The following MBP variants were observed in gnomAD, a reference collection of about 807,000 sequenced individuals.
MBP encodes the protein Golli-MBP.
In MBP, 16 loss-of-function variants were observed where a neutral mutation model predicts 35.8. That is an observed-to-expected ratio of 0.45 (90% confidence interval 0.30 to 0.68). The LOEUF (loss-of-function observed/expected upper bound fraction) is 0.68, where lower values mean the gene tolerates loss of function less well. Among genes scored for constraint, MBP ranks in the 30% least tolerant of loss-of-function variants. The probability of loss-of-function intolerance (pLI) is 0.08; values close to 1 mark genes in which losing one functional copy is unlikely to be tolerated. For missense variants in MBP, 380 were observed against 404.7 expected (o/e 0.94, Z 0.52); for synonymous variants, 143 against 159.6 (o/e 0.90, Z 0.78).
chr18:77,047,122 C>T (rs1244986594), intron 3 of MBP, among the ~76,000 whole-genome samples: 2 of 152,316 alleles, frequency 1.3e-5, no homozygotes, highest in East Asian at 1.9e-4. Context: ...AAAACAAAGG[C>T]GACCACGGCT....
chr18:77,000,817 G>C (rs62105702), intron 4 of MBP, among the ~76,000 whole-genome samples: 6,285 of 152,204 alleles, frequency 0.041, 136 homozygotes, highest in Middle Eastern at 0.088. Context: ...ATGAGTTGCC[G>C]CCCGATGCAT....
At chr18:77,093,784 C>G (rs1490354979) in intron 2 of MBP, among the ~76,000 whole-genome samples, 1 of 152,194 alleles carries the variant, frequency 6.6e-6, no homozygotes, top group Non-Finnish European at 1.5e-5. Flanking sequence ...CTGCTGGACA[C>G]CCCGCCCAGC....
intron 4 of MBP, chr18:77,003,470 G>C (rs531845118): frequency 1.3e-5 from 2 of 152,134 alleles, no homozygotes; most frequent in Non-Finnish European, 2.9e-5. Context: ...GCACTCTCAG[G>C]AAGTGCAGAT....
chr18:76,985,624 C>T (rs1456609729), intron 7 of MBP: 9 of 1,052,694 alleles, frequency 8.5e-6, no homozygotes, highest in Non-Finnish European at 1.0e-5. Context: ...CTGGCTGGCA[C>T]GGGGGGCGGC....
chr18:77,052,142 G>T lies in MBP; in HGVS notation c.139+14156C>A, dbSNP rs62106765. 2.6e-4 allele frequency among the ~76,000 whole-genome samples: 40 copies of T among 152,262 alleles called. 1 individual carries two copies. The highest frequency in any genetic ancestry group is 1.1e-3 in the Admixed American group (17 of 15,306). On this transcript the variant is annotated intron_variant, in intron 3 of 8. Coordinates refer to ENST00000355994, the MANE Select transcript of MBP (RefSeq NM_001025101.2). ...TCCTCCGATGTGCCCAAGTCCACCC[G>T]ACCAGGAACGGGGGAAGGAGCGGGG...
chr18:77,013,758 G>A, intron 4 of MBP: 1 of 985,426 alleles, frequency 1.0e-6, no homozygotes, highest in South Asian at 4.7e-5. Flanking sequence ...GGAGAAGTGG[G>A]GTACTGGGAT....
At chr18:77,117,568 G>A (rs916606337) in intron 1 of MBP, among the ~76,000 whole-genome samples, 1 of 151,990 alleles carries the variant, frequency 6.6e-6, no homozygotes, top group African/African-American at 2.4e-5. Flanking sequence ...ATAGTTCCGT[G>A]GCTTGCCTGA....
intron 4 of MBP, among the ~76,000 whole-genome samples, chr18:77,010,706 G>A (rs934605147): frequency 6.6e-6 from 1 of 152,168 alleles, no homozygotes; most frequent in Non-Finnish European, 1.5e-5. Context: ...TGAGCTCTGC[G>A]GCTACAAATC....
Position 77,102,084 on chromosome 18 carries a change from C to A in MBP, c.51+3127G>T, listed in dbSNP as rs537848161. Among the ~76,000 whole-genome samples, 1 of 151,826 alleles carries A rather than the reference C, an allele frequency of 6.6e-6. No individual in the cohort carries two copies. The highest frequency in any genetic ancestry group is 2.1e-4 in the South Asian group (1 of 4,800). ...CAGGATCTGTATCAGAGCACTCAGC[C>A]GCAGGCTCTATGACAGCAGAGGAAA... On this transcript the variant is annotated intron_variant, in intron 2 of 8. Transcript: ENST00000355994. The surrounding 1 kb of genome is among the most constrained non-coding windows in gnomAD (Gnocchi z 4.4).
At chr18:76,982,139 C>T (rs1969240437) in intron 8 of MBP, 2 of 152,394 alleles carry the variant, frequency 1.3e-5, no homozygotes, top group South Asian at 4.1e-4. Context: ...GCTCACAGCA[C>T]CTCCTGGAGT....
intron 3 of MBP, among the ~76,000 whole-genome samples, chr18:77,062,756 G>A (rs2144779771): frequency 6.6e-6 from 1 of 152,320 alleles, no homozygotes; most frequent in Middle Eastern, 3.4e-3. Context: ...AATAGCACCT[G>A]TGCCAGAGTC....
intron 4 of MBP, among the ~76,000 whole-genome samples, chr18:77,011,439 C>G (rs1468839259): frequency 1.3e-5 from 2 of 152,208 alleles, no homozygotes; most frequent in Non-Finnish European, 2.9e-5. Flanking sequence ...CAAAGAAGAT[C>G]ATCACTGTGA....
chr18:77,015,422 T>A, intron 4 of MBP: 1 of 985,460 alleles, frequency 1.0e-6, no homozygotes, highest in Non-Finnish European at 1.2e-6. Context: ...CTTGAAAAAG[T>A]GCTTCCAGTT....
At chr18:76,997,350 T>A (rs1242577621) in intron 4 of MBP, among the ~76,000 whole-genome samples, 2 of 152,230 alleles carry the variant, frequency 1.3e-5, no homozygotes, top group Admixed American at 1.3e-4. Context: ...TGACGCCACC[T>A]GTGTGGCCTT....
rs1971995218 is a variant in MBP, at chr18:77,021,719, G to A, written c.140-4451C>T. Reference sequence around the variant, plus strand: ...AGGCTGGTCTCGAACTCCTGACCTCGTGATCCACCTGCCTCGGCCCCGCAA... The same window carrying A: ...AGGCTGGTCTCGAACTCCTGACCTCATGATCCACCTGCCTCGGCCCCGCAA... On this transcript the variant is annotated intron_variant, in intron 3 of 8. Transcript: ENST00000355994. Among the ~76,000 whole-genome samples the A allele has an allele frequency of 2.6e-5, 4 of 152,164 alleles. No individual in the cohort carries two copies. The South Asian group carries it at 6.2e-4, about 24-fold the overall frequency.
intron 3 of MBP, among the ~76,000 whole-genome samples, chr18:77,040,653 C>T (rs570793158): frequency 9.6e-4 from 146 of 152,292 alleles, no homozygotes; most frequent in African/African-American, 3.3e-3. Context: ...TGATCTTTCA[C>T]AAACCTGACA....
intron 4 of MBP, among the ~76,000 whole-genome samples, chr18:76,992,355 G>C (rs906632091): frequency 6.6e-6 from 1 of 152,152 alleles, no homozygotes; most frequent in African/African-American, 2.4e-5. Context: ...ATCTGGTGCC[G>C]CTGGCCTGAC....
At chr18:77,040,478 T>C (rs1016073492) in intron 3 of MBP, among the ~76,000 whole-genome samples, 18 of 152,264 alleles carry the variant, frequency 1.2e-4, no homozygotes, top group Admixed American at 2.0e-4. Flanking sequence ...GCCAAGTCAA[T>C]CCTAGGCCAA....
intron 2 of MBP, among the ~76,000 whole-genome samples, chr18:77,076,731 A>G (rs1345218795): frequency 6.6e-6 from 1 of 152,188 alleles, no homozygotes; most frequent in African/African-American, 2.4e-5. Context: ...TGATTCTTGA[A>G]AAAAGGGCCA....
Sources: gnomAD v4.1 joint callset for allele counts (sites outside exome capture counted in the v4.1 genomes callset) on GRCh38, gnomAD v4.1.1 for gene constraint, Gnocchi (gnomAD v3.1) non-coding constraint, MANE v1.5 for transcripts, NCBI Gene and HGNC (gene_info 2026-07-23, HGNC 2026-07-21) for gene names.